Variants in MTFR1 observed in about 807,000 individuals in gnomAD.
MTFR1 encodes the protein mitochondrial fission regulator 1, also known as chondrocyte protein with a poly-proline region.
In MTFR1, 28 loss-of-function variants were observed where a neutral mutation model predicts 38.8. That is an observed-to-expected ratio of 0.72 (90% CI 0.53 to 0.99). The LOEUF (loss-of-function observed/expected upper bound fraction) is 0.99. Among genes scored for constraint, MTFR1 ranks in the 50% least tolerant of loss-of-function variants. The pLI, the probability that MTFR1 is intolerant of heterozygous loss-of-function variation, is 0.00. For missense variants in MTFR1, 358 were observed against 395.5 expected (o/e 0.91, Z 0.81); for synonymous variants, 145 against 137.0 (o/e 1.06, Z -0.41).
chr8:65,733,781 T>C (rs1181251961), intron 3 of MTFR1, among the ~76,000 whole-genome samples: 1 of 152,220 alleles, frequency 6.6e-6, no homozygotes, highest in Non-Finnish European at 1.5e-5. Context: ...TCACATATTC[T>C]ATGATCTCTT....
At chr8:65,735,752 A>G (rs1807103723) in intron 3 of MTFR1, among the ~76,000 whole-genome samples, 1 of 152,084 alleles carries the variant, frequency 6.6e-6, no homozygotes, top group Admixed American at 6.6e-5. Context: ...CAGCCACCCG[A>G]GTAGCTGGGA....
intron 3 of MTFR1, chr8:65,724,902 T>C: frequency 6.2e-7 from 1 of 1,603,506 alleles, no homozygotes; most frequent in Non-Finnish European, 8.5e-7. Context: ...AGAGCACCTA[T>C]CTGTGTCTCC....
intron 2 of MTFR1, among the ~76,000 whole-genome samples, chr8:65,675,128 T>C (rs534143916): frequency 6.6e-6 from 1 of 152,022 alleles, no homozygotes; most frequent in South Asian, 2.1e-4. Context: ...CTGTCTCTAC[T>C]AAAAGTATAA....
chr8:65,688,504 A>G (rs1385215938), intron 3 of MTFR1, among the ~76,000 whole-genome samples: 1 of 142,002 alleles, frequency 7.0e-6, no homozygotes, highest in African/African-American at 2.6e-5. Flanking sequence ...GCTGGAGTGC[A>G]GTGGCGCAAT....
chr8:65,675,385 GGAGATC>G (rs1187380966), intron 2 of MTFR1, among the ~76,000 whole-genome samples: 2 of 152,160 alleles, frequency 1.3e-5, no homozygotes, highest in Non-Finnish European at 2.9e-5. Flanking sequence ...CACGAGGTCA[GGAGATC>G]GAGACCATCC....
chr8:65,777,746 A>G, the MTFR1 span, among the ~76,000 whole-genome samples: 3 of 152,202 alleles, frequency 2.0e-5, no homozygotes, highest in East Asian at 5.8e-4. Context: ...TCTGTGGAAA[A>G]TGAAACCATC....
Position 65,707,050 on chromosome 8 carries a change from C to T in MTFR1, c.558C>T (p.His186=). 2 of 1,608,972 alleles carry T rather than the reference C, an allele frequency of 1.2e-6. No individual in the cohort carries two copies. The highest frequency in any genetic ancestry group is 2.2e-5 in the East Asian group (1 of 44,820). ...CCACATTTGGTACCATACCACCACA[C>T]CCTCCACCTCCCCCACCGCCCCTGC... ...DSTTFGTIPP[H]PPPPPPPLPP... Residue 186 remains histidine (H), a synonymous_variant, in exon 6 of 8, where the codon CAC becomes CAT. Coordinates refer to ENST00000262146, the MANE Select transcript of MTFR1 (RefSeq NM_014637.4).
chr8:65,769,097 A>G (rs1298475403), intron 3 of MTFR1, among the ~76,000 whole-genome samples: 1 of 151,486 alleles, frequency 6.6e-6, no homozygotes, highest in Non-Finnish European at 1.5e-5. Flanking sequence ...AAAATACAAA[A>G]ATTAGCCGGG....
intron 1 of MTFR1, among the ~76,000 whole-genome samples, chr8:65,660,485 G>C (rs957096688): frequency 1.3e-5 from 2 of 152,050 alleles, no homozygotes; most frequent in Non-Finnish European, 2.9e-5. Flanking sequence ...TCCCTTGAGG[G>C]CCTGAATAAA....
intron 4 of MTFR1, among the ~76,000 whole-genome samples, chr8:65,702,636 G>C (rs1478171495): frequency 1.3e-5 from 2 of 152,024 alleles, no homozygotes; most frequent in African/African-American, 2.4e-5. Flanking sequence ...AATAGAGTAT[G>C]TTTTTTTACC....
At chr8:65,662,860 G>C (rs1469599807) in intron 1 of MTFR1, among the ~76,000 whole-genome samples, 3 of 151,266 alleles carry the variant, frequency 2.0e-5, no homozygotes, top group Admixed American at 1.3e-4. Flanking sequence ...AGGGAGGTGG[G>C]GGGGTTAGGC....
intron 1 of MTFR1, among the ~76,000 whole-genome samples, chr8:65,648,151 G>A (rs1176247125): frequency 3.3e-5 from 5 of 151,940 alleles, no homozygotes; most frequent in African/African-American, 1.2e-4. Flanking sequence ...TGAGTAGCTG[G>A]GACTACAGGC....
At chr8:65,671,071 G>A (rs1804558025) in intron 2 of MTFR1, among the ~76,000 whole-genome samples, 1 of 152,046 alleles carries the variant, frequency 6.6e-6, no homozygotes, top group Non-Finnish European at 1.5e-5. Context: ...CAACTTCCAA[G>A]GTTACATCTG....
At chr8:65,645,706 C>T (rs1808946394) in intron 1 of MTFR1, among the ~76,000 whole-genome samples, 2 of 107,512 alleles carry the variant, frequency 1.9e-5, no homozygotes, top group Non-Finnish European at 1.8e-5. Flanking sequence ...CCCCCCCCCC[C>T]TTTGTAGAGA....
rs201585346 is a variant in MTFR1 at position 65,740,171 on chromosome 8, G to T, written c.*48+20690G>T. ...TGCAGAAAATCTGAGAGTTGCTTGG[G>T]GGGGTGGGGAGGGGGAATCACAAAA... On this transcript the variant is annotated intron_variant, in intron 3 of 3. Transcript: ENST00000521247. Among the ~76,000 whole-genome samples, 152 of 150,206 alleles carry T rather than the reference G, an allele frequency of 1.0e-3. 4 individuals are homozygous for T. The South Asian group carries it at 0.029, about 29-fold the overall frequency.
intron 3 of MTFR1, among the ~76,000 whole-genome samples, chr8:65,721,017 A>G (rs909776049): frequency 6.6e-6 from 1 of 152,162 alleles, no homozygotes; most frequent in African/African-American, 2.4e-5. Context: ...ACAGCCAACA[A>G]ATTAGCTATC....
At chr8:65,654,291 G>C (rs890695604) in intron 1 of MTFR1, among the ~76,000 whole-genome samples, 3 of 151,920 alleles carry the variant, frequency 2.0e-5, no homozygotes, top group Non-Finnish European at 4.4e-5. Context: ...ATTTTTAATG[G>C]AATTAATATG....
At chr8:65,758,595 C>T (rs939221504) in intron 3 of MTFR1, among the ~76,000 whole-genome samples, 1 of 152,158 alleles carries the variant, frequency 6.6e-6, no homozygotes, top group African/African-American at 2.4e-5. Flanking sequence ...GTAAGCCAGC[C>T]CTTTGTGCTT....
chr8:65,683,132 CTTTT>C (rs748824241), intron 3 of MTFR1, among the ~76,000 whole-genome samples: 3 of 121,684 alleles, frequency 2.5e-5, no homozygotes, highest in African/African-American at 6.4e-5. Context: ...TTCTTTCTTT[CTTTT>C]TTTTTTTTTT....
Sources: allele counts gnomAD v4.1 joint callset (sites outside exome capture counted in the v4.1 genomes callset), GRCh38; gene constraint gnomAD v4.1.1; transcripts MANE v1.5; gene names NCBI Gene and HGNC (gene_info 2026-07-23, HGNC 2026-07-21).